CTNNA3: variants seen among roughly 807,000 people sequenced by gnomAD.
CTNNA3 encodes the protein catenin alpha 3.
A neutral mutation model predicts 95.7 loss-of-function variants in CTNNA3; 76 were observed. The ratio of observed to expected loss-of-function variants is 0.79; its 90% CI spans 0.66 to 0.96. CTNNA3 has a LOEUF of 0.96. Ranked by LOEUF, CTNNA3 falls within the 40% of genes least tolerant of loss-of-function variation. The pLI, the probability that CTNNA3 is intolerant of heterozygous loss-of-function variation, is 0.00. For missense variants in CTNNA3, 1,191 were observed against 1,089.8 expected (o/e 1.09, Z -1.31); for synonymous variants, 431 against 374.4 (o/e 1.15, Z -1.74).
chr10:66,057,876 A>G (rs1272767391), intron 15 of CTNNA3, among the ~76,000 whole-genome samples: 2 of 152,166 alleles, frequency 1.3e-5, no homozygotes, highest in South Asian at 4.1e-4. Context: ...TTATATTTCA[A>G]TTATTTGTTA....
At chr10:66,380,643 T>TA (rs2092831472) in intron 11 of CTNNA3, among the ~76,000 whole-genome samples, 1 of 146,214 alleles carries the variant, frequency 6.8e-6, no homozygotes, top group African/African-American at 2.5e-5. Context: ...ATATATATAT[T>TA]AAATTAATTA....
At chr10:66,399,087 A>G (rs562117161) in intron 11 of CTNNA3, among the ~76,000 whole-genome samples, 2 of 152,002 alleles carry the variant, frequency 1.3e-5, no homozygotes, top group Non-Finnish European at 2.9e-5. Context: ...TTAGGGTTAG[A>G]GGTCTACCCT....
chr10:67,225,837 C>T (rs1306704765), intron 5 of CTNNA3, among the ~76,000 whole-genome samples: 1 of 152,138 alleles, frequency 6.6e-6, no homozygotes, highest in Non-Finnish European at 1.5e-5. Flanking sequence ...CCAAAAAGCA[C>T]ACTACCTCAC....
Position 66,535,318 on chromosome 10 carries a change from G to C in CTNNA3, c.1375-14545C>G, listed in dbSNP as rs561604289. Reference sequence around the variant, plus strand: ...TTTAAAGTGTTATTTATTTTGTTCAGGGCAGGTTGAGCTGTAACATGCCGT... The same window carrying C: ...TTTAAAGTGTTATTTATTTTGTTCACGGCAGGTTGAGCTGTAACATGCCGT... On this transcript the variant is annotated intron_variant, in intron 10 of 17. Coordinates refer to ENST00000433211, the MANE Select transcript of CTNNA3 (RefSeq NM_013266.4). 2.3e-4 allele frequency among the ~76,000 whole-genome samples: 35 copies of C among 152,234 alleles called. 1 individual carries two copies. The South Asian group carries it at 3.7e-3, about 16-fold the overall frequency.
intron 7 of CTNNA3, among the ~76,000 whole-genome samples, chr10:67,101,477 T>G (rs2131945264): frequency 6.6e-6 from 1 of 151,872 alleles, no homozygotes; most frequent in South Asian, 2.1e-4. Context: ...AAATAAAATA[T>G]AATTTATCCA....
At chr10:66,793,107 T>G (rs1841042572) in intron 7 of CTNNA3, among the ~76,000 whole-genome samples, 1 of 152,016 alleles carries the variant, frequency 6.6e-6, no homozygotes, top group Admixed American at 6.6e-5. Context: ...AATCCACAGG[T>G]GTAATGAGGT....
At chr10:66,994,129 T>C (rs1851195906) in intron 7 of CTNNA3, among the ~76,000 whole-genome samples, 1 of 152,156 alleles carries the variant, frequency 6.6e-6, no homozygotes, top group Non-Finnish European at 1.5e-5. Context: ...ATGTAGTAAG[T>C]GAGTTGCCAT....
At chr10:67,604,644 C>T (rs1471849708) in intron 3 of CTNNA3, among the ~76,000 whole-genome samples, 1 of 152,118 alleles carries the variant, frequency 6.6e-6, no homozygotes, top group African/African-American at 2.4e-5. Context: ...GTACACCAAA[C>T]CCCCATGACG....
intron 7 of CTNNA3, among the ~76,000 whole-genome samples, chr10:66,857,178 T>C (rs1421230658): frequency 6.6e-6 from 1 of 152,136 alleles, no homozygotes; most frequent in Non-Finnish European, 1.5e-5. Context: ...TCATTGCTTG[T>C]TTTTGTTCAT....
intron 10 of CTNNA3, among the ~76,000 whole-genome samples, chr10:66,550,010 C>G (rs951370653): frequency 6.6e-6 from 1 of 152,176 alleles, no homozygotes; most frequent in South Asian, 2.1e-4. Flanking sequence ...TGATTTTTGT[C>G]TAAATGTTCT....
rs117625723 is a variant in CTNNA3, at chr10:66,795,603, C to A, written c.1048-20079G>T. On this transcript the variant is annotated intron_variant, in intron 7 of 17. Coordinates refer to ENST00000433211, the MANE Select transcript of CTNNA3 (RefSeq NM_013266.4). ...ACTGGTTTCAACTTAAAGTCACCAG[C>A]TGCTCTAGCCACCAACAACAGAGTG... Among the ~76,000 whole-genome samples the A allele has an allele frequency of 4.2e-3, 637 of 152,276 alleles. 5 individuals are homozygous for A. Among genetic ancestry groups the A allele is most frequent in the Non-Finnish European group, 5.1e-3 (349 of 68,024 alleles).
At chr10:66,840,370 TCTCA>T (rs1564716204) in intron 7 of CTNNA3, among the ~76,000 whole-genome samples, 45 of 74,824 alleles carry the variant, frequency 6.0e-4, no homozygotes, top group Middle Eastern at 7.2e-3. Context: ...TCTCTCTCTC[TCTCA>T]CACACACACA....
chr10:66,881,235 G>A (rs572691674), intron 7 of CTNNA3, among the ~76,000 whole-genome samples: 4 of 152,240 alleles, frequency 2.6e-5, no homozygotes, highest in African/African-American at 7.2e-5. Flanking sequence ...TCAAGATAAT[G>A]CACTGGTGTT....
intron 15 of CTNNA3, among the ~76,000 whole-genome samples, chr10:66,035,207 A>G (rs988741510): frequency 8.5e-5 from 13 of 152,196 alleles, no homozygotes; most frequent in African/African-American, 1.2e-4. Flanking sequence ...AGATGGATAA[A>G]TAGAAGGTGA....
At chr10:66,119,412 C>T (rs538345259) in intron 13 of CTNNA3, among the ~76,000 whole-genome samples, 5 of 152,280 alleles carry the variant, frequency 3.3e-5, no homozygotes, top group Admixed American at 2.6e-4. Flanking sequence ...CTATTACTCT[C>T]TCTCACTCTA....
intron 15 of CTNNA3, among the ~76,000 whole-genome samples, chr10:66,057,176 G>T (rs954608171): frequency 6.6e-6 from 1 of 152,144 alleles, no homozygotes; most frequent in African/African-American, 2.4e-5. Flanking sequence ...AGTGATGGTA[G>T]CTGATTCCTC....
At chr10:67,353,111 C>T (rs944476731) in intron 5 of CTNNA3, among the ~76,000 whole-genome samples, 3 of 152,008 alleles carry the variant, frequency 2.0e-5, no homozygotes, top group African/African-American at 7.2e-5. Context: ...AGCTCTGTAG[C>T]TTTAGACAAC....
chr10:67,050,004 C>A (rs549687470), intron 7 of CTNNA3, among the ~76,000 whole-genome samples: 1 of 152,230 alleles, frequency 6.6e-6, no homozygotes, highest in East Asian at 1.9e-4. Context: ...ATGCAGTATC[C>A]ATTTGTAAGT....
chr10:67,115,888 A>G (rs1859158763), intron 7 of CTNNA3, among the ~76,000 whole-genome samples: 1 of 152,086 alleles, frequency 6.6e-6, no homozygotes, highest in South Asian at 2.1e-4. Flanking sequence ...AGACACCTCT[A>G]AAGAAGTTTA....
Sources: gnomAD v4.1 joint callset for allele counts (sites outside exome capture counted in the v4.1 genomes callset) on GRCh38, gnomAD v4.1.1 for gene constraint, MANE v1.5 for transcripts, NCBI Gene and HGNC (gene_info 2026-07-23, HGNC 2026-07-21) for gene names.